The following ZNF536 variants were observed in gnomAD, a reference collection of about 807,000 sequenced individuals.
ZNF536 encodes zinc finger protein 536.
A neutral mutation model predicts 84.5 loss-of-function variants in ZNF536; 13 were observed. The ratio of observed to expected loss-of-function variants is 0.15; its 90% CI spans 0.10 to 0.24. The LOEUF (loss-of-function observed/expected upper bound fraction) is 0.24. Among genes scored for constraint, ZNF536 ranks in the 10% least tolerant of loss-of-function variants. ZNF536 has a pLI of 1.00. For synonymous variants in ZNF536, 811 were observed against 742.5 expected, an observed-to-expected ratio of 1.09 and a Z score of -1.50; for missense variants, 1,536 against 1,747.5, an observed-to-expected ratio of 0.88 and a Z score of 2.16.
At chr19:30,685,792 G>A (rs938113207) in intron 1 of ZNF536, among the ~76,000 whole-genome samples, 2 of 152,152 alleles carry the variant, frequency 1.3e-5, no homozygotes, top group African/African-American at 2.4e-5. Flanking sequence ...GGGCTGGGAC[G>A]CTGTCAGCTC....
chr19:30,501,648 A>G (rs774695203), intron 2 of ZNF536, among the ~76,000 whole-genome samples: 8 of 152,282 alleles, frequency 5.3e-5, no homozygotes, highest in Admixed American at 1.3e-4. Flanking sequence ...CCATACTGAG[A>G]CTCACACACC....
At chr19:30,572,313 A>C (rs183608281) in intron 1 of ZNF536, among the ~76,000 whole-genome samples, 27 of 152,248 alleles carry the variant, frequency 1.8e-4, no homozygotes, top group Non-Finnish European at 3.8e-4. Context: ...TGTTCATCAC[A>C]CTAAGGTCCC....
intron 2 of ZNF536, among the ~76,000 whole-genome samples, chr19:30,484,776 G>T (rs8099986): frequency 6.6e-6 from 1 of 151,548 alleles, no homozygotes; most frequent in Admixed American, 6.6e-5. Flanking sequence ...TCAGGAAAGT[G>T]GGGGGACAAC....
intron 1 of ZNF536, among the ~76,000 whole-genome samples, chr19:30,637,701 C>G (rs2049120259): frequency 6.6e-6 from 1 of 152,178 alleles, no homozygotes; most frequent in Admixed American, 6.5e-5. Flanking sequence ...AAATCTTTTT[C>G]TAGAGCATCA....
chr19:30,634,564 G>T (rs560728468), intron 1 of ZNF536, among the ~76,000 whole-genome samples: 45 of 152,192 alleles, frequency 3.0e-4, no homozygotes, highest in African/African-American at 1.1e-3. Flanking sequence ...TCCCTCAAGG[G>T]CACCTCTGCT....
chr19:30,378,414 G>A (rs2048895593), intron 1 of ZNF536, among the ~76,000 whole-genome samples: 1 of 152,156 alleles, frequency 6.6e-6, no homozygotes, highest in Non-Finnish European at 1.5e-5. Flanking sequence ...GCCTGCCTTG[G>A]CCTCCCAAAG....
chr19:30,456,582 G>A (rs1255279249), intron 2 of ZNF536, among the ~76,000 whole-genome samples: 1 of 152,118 alleles, frequency 6.6e-6, no homozygotes, highest in Non-Finnish European at 1.5e-5. Flanking sequence ...TCTCCCTGAA[G>A]CTAGGTAGTT....
intron 1 of ZNF536, among the ~76,000 whole-genome samples, chr19:30,674,711 T>C (rs2050689155): frequency 6.6e-6 from 1 of 152,194 alleles, no homozygotes; most frequent in Non-Finnish European, 1.5e-5. Context: ...TCGGAGGCAC[T>C]TTCAGCTTGT....
intron 1 of ZNF536, among the ~76,000 whole-genome samples, chr19:30,700,201 C>CT (rs1555843317): frequency 8.5e-5 from 7 of 82,774 alleles, no homozygotes; most frequent in African/African-American, 2.9e-4. Context: ...TCTTTCTTTC[C>CT]TTCTTTCTTT....
chr19:30,441,478 T>C (rs1348215462), intron 1 of ZNF536, among the ~76,000 whole-genome samples: 1 of 152,186 alleles, frequency 6.6e-6, no homozygotes, highest in Non-Finnish European at 1.5e-5. Context: ...GTGGGTGTCA[T>C]GAGTCCTGGG....
chr19:30,353,366 G>A (rs896596017), intron 3 of ZNF536, among the ~76,000 whole-genome samples: 1 of 152,178 alleles, frequency 6.6e-6, no homozygotes, highest in Admixed American at 6.5e-5. Context: ...CAGCGTAAGA[G>A]TGGGAAGTTT....
chr19:30,627,410 G>T (rs1371107929), intron 1 of ZNF536, among the ~76,000 whole-genome samples: 1 of 134,314 alleles, frequency 7.4e-6, no homozygotes, highest in Non-Finnish European at 1.5e-5. Context: ...GTTTGAGGCT[G>T]CAGTGAGCCA....
chr19:30,505,022 T>C (rs984756010), intron 2 of ZNF536, among the ~76,000 whole-genome samples: 2 of 152,046 alleles, frequency 1.3e-5, no homozygotes, highest in Non-Finnish European at 2.9e-5. Context: ...CAACAACTTA[T>C]GAGATTGATA....
chr19:30,499,680 G>A (rs1052140058), intron 2 of ZNF536, among the ~76,000 whole-genome samples: 10 of 152,120 alleles, frequency 6.6e-5, no homozygotes, highest in African/African-American at 1.7e-4. Context: ...AATAAGTTTC[G>A]TGTGATTACC....
chr19:30,511,489 G>A (rs1477309440), intron 2 of ZNF536, among the ~76,000 whole-genome samples: 4 of 152,004 alleles, frequency 2.6e-5, no homozygotes, highest in Non-Finnish European at 5.9e-5. Context: ...GGTCTGTCTG[G>A]GGTGCTAGTA....
At chr19:30,697,550 C>T (rs1473097370) in intron 1 of ZNF536, among the ~76,000 whole-genome samples, 1 of 152,150 alleles carries the variant, frequency 6.6e-6, no homozygotes, top group Non-Finnish European at 1.5e-5. Context: ...TATTAGGGAG[C>T]TATTATTATT....
At chr19:30,463,136 G>A (rs2053230609) in intron 2 of ZNF536, among the ~76,000 whole-genome samples, 1 of 152,150 alleles carries the variant, frequency 6.6e-6, no homozygotes, top group Admixed American at 6.5e-5. Context: ...TGCCTGTGTT[G>A]GCATGGATTG....
intron 1 of ZNF536, among the ~76,000 whole-genome samples, chr19:30,577,512 G>C (rs537344905): frequency 1.3e-5 from 2 of 152,038 alleles, no homozygotes; most frequent in Non-Finnish European, 2.9e-5. Context: ...TTTATTCCTT[G>C]AGATAGTATT....
intron 1 of ZNF536, among the ~76,000 whole-genome samples, chr19:30,574,074 A>G (rs2046645012): frequency 6.6e-6 from 1 of 152,184 alleles, no homozygotes; most frequent in African/African-American, 2.4e-5. Context: ...TGCATTGCAT[A>G]CCATTCTGGG....
Sources: gnomAD v4.1 joint callset for allele counts (sites outside exome capture counted in the v4.1 genomes callset) on GRCh38, gnomAD v4.1.1 for gene constraint, MANE v1.5 for transcripts, NCBI Gene and HGNC (gene_info 2026-07-23, HGNC 2026-07-21) for gene names.